GALNS: variants seen among roughly 807,000 people sequenced by gnomAD.
GALNS encodes the protein N-acetylgalactosamine-6-sulfatase.
In GALNS, 65 loss-of-function variants were observed where a neutral mutation model predicts 65.9. That is an observed-to-expected ratio of 0.99 (90% CI 0.81 to 1.21). GALNS has a LOEUF of 1.21. GALNS is among the 50% of genes most tolerant of loss of function. The pLI is 0.00. For synonymous variants in GALNS, 346 were observed against 288.9 expected, an observed-to-expected ratio of 1.20 and a Z score of -2.00; for missense variants, 776 against 700.7, an observed-to-expected ratio of 1.11 and a Z score of -1.21.
At chr16:88,825,816 C>T (rs75679573) in intron 10 of GALNS, among the ~76,000 whole-genome samples, 2,103 of 152,206 alleles carry the variant, frequency 0.014, 46 homozygotes, top group East Asian at 0.078. Context: ...CCACTTGTGC[C>T]AGGTCTCGAG....
chr16:88,856,241 CG>C, intron 1 of GALNS: 1 of 703,050 alleles, frequency 1.4e-6, no homozygotes, highest in Non-Finnish European at 2.6e-6. Context: ...CAGAGACAGC[CG>C]TCAGGTAAGA....
intron 13 of GALNS, chr16:88,817,162 A>C (rs1457989430): frequency 4.1e-6 from 4 of 985,324 alleles, no homozygotes; most frequent in Non-Finnish European, 4.8e-6. Context: ...TGGGCCGTCC[A>C]CATGCCACCC....
At chr16:88,822,568 G>T (rs367969896) in intron 12 of GALNS, 21 bp downstream of exon 12, 1 of 1,612,084 alleles carries the variant, frequency 6.2e-7, no homozygotes, top group African/African-American at 1.3e-5. Context: ...TCAGCAGCCA[G>T]GAGGCCCTGC....
At chr16:88,847,367 G>C (rs1967296166) in intron 1 of GALNS, among the ~76,000 whole-genome samples, 1 of 152,004 alleles carries the variant, frequency 6.6e-6, no homozygotes, top group South Asian at 2.1e-4. Context: ...AGAGAACCCT[G>C]TCTCAAAAAA....
At position 88,835,145 on chromosome 16, in the gene GALNS, C is replaced by T. The variant is rs7187783; in HGVS notation, c.898+68G>A. On this transcript the variant is annotated intron_variant, in intron 8 of 13. Coordinates refer to ENST00000268695, the MANE Select transcript of GALNS (RefSeq NM_000512.5). ...CCACCACAGACCCCGTGGGCACAGC[C>T]GGTCCAGGCACTCTTCGCTGACACG... is the stretch of plus-strand genomic sequence containing the variant. 5.2e-3 allele frequency: 7,988 copies of T among 1,545,920 alleles called. 355 individuals carry two copies. The African/African-American group carries it at 0.097, about 19-fold the overall frequency.
intron 10 of GALNS, 89 bp downstream of exon 10, chr16:88,826,613 C>A: frequency 6.7e-7 from 1 of 1,485,534 alleles, no homozygotes; most frequent in South Asian, 1.2e-5. Context: ...ACCAGGAGGG[C>A]TGCTGGGCCT....
At chr16:88,837,514 C>T in intron 5 of GALNS, 108 bp downstream of exon 5, 1 of 1,172,096 alleles carries the variant, frequency 8.5e-7, no homozygotes, top group South Asian at 1.3e-5. Flanking sequence ...AGGGACAGAC[C>T]AGCCCTCATG....
chr16:88,842,212 C>A (rs1967008675), intron 2 of GALNS: 2 of 616,008 alleles, frequency 3.2e-6, no homozygotes, highest in Non-Finnish European at 5.9e-6. Flanking sequence ...TCCCCAAGAC[C>A]CCGCCTCCTT....
intron 9 of GALNS, 37 bp from the exon 10 acceptor site, chr16:88,826,875 G>A: frequency 1.3e-6 from 2 of 1,553,778 alleles, no homozygotes; most frequent in Non-Finnish European, 1.7e-6. Flanking sequence ...AGGGCACTCT[G>A]CACCGACCCG....
chr16:88,850,472 C>T (rs962182185), intron 1 of GALNS, among the ~76,000 whole-genome samples: 6 of 152,174 alleles, frequency 3.9e-5, no homozygotes, highest in Non-Finnish European at 7.3e-5. Context: ...GTGGGCTCCA[C>T]GCTCATCACT....
intron 10 of GALNS, among the ~76,000 whole-genome samples, chr16:88,825,900 C>T (rs1387369428): frequency 6.6e-6 from 1 of 152,222 alleles, no homozygotes; most frequent in Non-Finnish European, 1.5e-5. Flanking sequence ...GGGCCGTCCC[C>T]ACCTTGCTTC....
chr16:88,843,843 C>G (rs1484000522), intron 1 of GALNS: 1 of 153,492 alleles, frequency 6.5e-6, no homozygotes, highest in African/African-American at 2.4e-5. Flanking sequence ...AGGAAGGGCA[C>G]CCCACACCGC....
chr16:88,824,310 G>A (rs927798418), intron 11 of GALNS, among the ~76,000 whole-genome samples: 14 of 152,056 alleles, frequency 9.2e-5, no homozygotes, highest in Non-Finnish European at 1.9e-4. Flanking sequence ...AGCCTGGGGC[G>A]GCAGGAGCCC....
chr16:88,836,449 T>C (rs997604564), intron 5 of GALNS, among the ~76,000 whole-genome samples, 182 bp from the exon 6 acceptor site: 2 of 152,096 alleles, frequency 1.3e-5, no homozygotes, highest in African/African-American at 4.8e-5. Flanking sequence ...AGGTCAGGAA[T>C]TTGAGACCAG....
intron 1 of GALNS, among the ~76,000 whole-genome samples, chr16:88,849,392 C>T (rs566934992): frequency 1.2e-4 from 18 of 152,286 alleles, no homozygotes; most frequent in Admixed American, 8.5e-4. Context: ...TCAAGCAATT[C>T]GCCTGCCTCA....
intron 4 of GALNS, chr16:88,840,768 G>A (rs1966927498): frequency 3.4e-6 from 2 of 585,366 alleles, no homozygotes; most frequent in Non-Finnish European, 3.1e-6. Context: ...GATGCCGCAG[G>A]ATACTCGCGG....
intron 1 of GALNS, chr16:88,855,461 C>A (rs919355925): frequency 2.8e-6 from 2 of 702,814 alleles, no homozygotes; most frequent in Admixed American, 4.0e-5. Flanking sequence ...GAGAAAGGCC[C>A]GGCTACTGCT....
intron 4 of GALNS, chr16:88,840,625 C>A: frequency 2.7e-6 from 1 of 372,096 alleles, no homozygotes. Flanking sequence ...ACAGGCAGCT[C>A]CTCCGCCACA....
rs575958681 is a variant in GALNS at position 88,821,063 on chromosome 16, G to T, written c.1364+1526C>A. On this transcript the variant is annotated intron_variant, in intron 12 of 13. Transcript: ENST00000268695. The stretch of plus-strand genomic sequence containing the variant: ...TGGTTTCACGGGTCTCACCCCCATG[G>T]GTGATCACGAGTCCCCCGGGGGCGT... Among the ~76,000 whole-genome samples, 129 of 152,300 alleles carry T rather than the reference G, an allele frequency of 8.5e-4. 1 individual carries two copies. Among genetic ancestry groups the T allele is most frequent in the Admixed American group, 4.0e-3 (61 of 15,300 alleles).
Sources: allele counts gnomAD v4.1 joint callset (sites outside exome capture counted in the v4.1 genomes callset), GRCh38; gene constraint gnomAD v4.1.1; transcripts MANE v1.5; gene names NCBI Gene and HGNC (gene_info 2026-07-23, HGNC 2026-07-21).